Variants in SLC4A2 observed in about 807,000 individuals in gnomAD.
SLC4A2 encodes solute carrier family 4 member 2.
A neutral mutation model predicts 115.0 loss-of-function variants in SLC4A2; 36 were observed. That is an observed-to-expected ratio of 0.31 (90% CI 0.24 to 0.41). The LOEUF is 0.41. Ranked by LOEUF, SLC4A2 falls within the 10% of genes least tolerant of loss-of-function variation. The pLI, the probability that SLC4A2 is intolerant of heterozygous loss-of-function variation, is 1.00. For synonymous variants in SLC4A2, 708 were observed against 708.3 expected (o/e 1.00, Z 0.01); for missense variants, 1,252 against 1,705.6 (o/e 0.73, Z 4.68).
intron 2 of SLC4A2, chr7:151,062,977 C>T (rs896370850): frequency 1.4e-6 from 2 of 1,416,948 alleles, no homozygotes; most frequent in South Asian, 1.5e-5. Flanking sequence ...GCTGCATACC[C>T]CCGCCCTTGG....
rs1272724126 is a variant in SLC4A2 at position 151,076,397 on chromosome 7, T to C, written c.*30T>C. ...CACCGAGGGACAGCCGAGGGACCGA[T>C]GGACGAGGGGACAGGCTGGTGGGAT... On this transcript the variant is annotated 3_prime_UTR_variant, in exon 23 of 23. Coordinates refer to ENST00000413384, the MANE Select transcript of SLC4A2 (RefSeq NM_003040.4). 7 of 1,459,852 alleles carry C rather than the reference T, an allele frequency of 4.8e-6. No individual in the cohort carries two copies. Among genetic ancestry groups the C allele is most frequent in the African/African-American group, 2.9e-5 (2 of 69,804 alleles). 90.4% of individuals were successfully genotyped at this position (1,459,852 alleles called of 1,614,324 possible). A position where few individuals can be genotyped will look rare whatever the true frequency, so the allele number is the denominator to read the frequency against.
Position 151,064,355 on chromosome 7 carries a change from G to A in SLC4A2, c.205G>A (p.Glu69Lys). 7.5e-7 allele frequency: 1 copy of A among 1,333,342 alleles called. No individual in the cohort carries two copies. Among genetic ancestry groups the A allele is most frequent in the Non-Finnish European group, 1.0e-6 (1 of 977,774 alleles). The allele number at this position is 1,333,342 out of a possible 1,614,324, so 82.6% of individuals were successfully genotyped here. ...GGAGCCAGGCCGCAGCTATGGGGAG[G>A]AAGACTTTGAGTGTGAGGGGGCAGG... ...GEEPGRSYGE[E>K]DFEYHRQSSH... The change falls in exon 3 of 23, where the codon GAA becomes AAA. Residue 69 changes from glutamate to lysine, a missense_variant. By Grantham distance (56) the Glu-to-Lys change is moderately conservative. This residue lies in a region of SLC4A2 where 10 missense variants were observed against 39.3 expected (regional missense o/e 0.25). Transcript: ENST00000413384.
In SLC4A2 at chr7:151,064,783, G is replaced by C. The variant is rs769695439; in HGVS notation, c.459+16G>C. 2.4e-5 allele frequency: 39 copies of C among 1,607,216 alleles called. No individual in the cohort carries two copies. Among genetic ancestry groups the C allele is most frequent in the Non-Finnish European group, 3.2e-5 (38 of 1,175,078 alleles). The stretch of plus-strand genomic sequence containing the variant: ...CTCGGTGCAGGTGCGCTGGGTGCGG[G>C]CTCCTAGGGCATGTCGGCAGGGCCC... On this transcript the variant is annotated intron_variant, in intron 4 of 22. Coordinates refer to ENST00000413384, the MANE Select transcript of SLC4A2 (RefSeq NM_003040.4).
chr7:151,070,411 G>C, intron 10 of SLC4A2, 46 bp from the exon 11 acceptor site: 2 of 1,612,020 alleles, frequency 1.2e-6, no homozygotes, highest in Non-Finnish European at 1.7e-6. Context: ...TGTGGACTCA[G>C]AGTGGGAGGG....
In SLC4A2 at chr7:151,070,093, G is replaced by T. The variant is rs1257889617; in HGVS notation, c.1283+11G>T. On this transcript the variant is annotated intron_variant, in intron 9 of 22. Transcript: ENST00000413384. ...GCTGTTGAAACACAGGTGAGGCCCT[G>T]TGGGCCAGTTGGGGATGACACTTCA... 2.5e-6 allele frequency: 4 copies of T among 1,613,960 alleles called. No individual in the cohort carries two copies. Among genetic ancestry groups the T allele is most frequent in the Middle Eastern group, 1.7e-4 (1 of 6,060 alleles).
At chr7:151,075,854 C>G (rs1797611615) in intron 21 of SLC4A2, 79 bp downstream of exon 21, 1 of 1,478,210 alleles carries the variant, frequency 6.8e-7, no homozygotes, top group Non-Finnish European at 9.2e-7. Context: ...CAGCTGCCCC[C>G]TCCCATCTGC....
intron 16 of SLC4A2, among the ~76,000 whole-genome samples, chr7:151,073,601 TA>T (rs1797515567): frequency 6.6e-6 from 1 of 152,208 alleles, no homozygotes; most frequent in African/African-American, 2.4e-5. Flanking sequence ...ACATTATTTT[TA>T]ATTTGGTTTT....
chr7:151,075,709 C>T lies in SLC4A2; in HGVS notation c.3405C>T (p.Phe1135=). ...TCACCTCCCTTAACGGGATCCAGTT[C>T]TATGAGCGGCTGCATCTGCTGCTCA... The part of the protein sequence containing the change: ...MGVTSLNGIQ[F]YERLHLLLMP... Residue 1135 remains phenylalanine (F), a synonymous_variant, in exon 21 of 23, where the codon TTC becomes TTT. Coordinates refer to ENST00000413384, the MANE Select transcript of SLC4A2 (RefSeq NM_003040.4). The T allele has an allele frequency of 1.9e-6, 3 of 1,611,804 alleles. No individual in the cohort carries two copies. Among genetic ancestry groups the T allele is most frequent in the Non-Finnish European group, 2.5e-6 (3 of 1,178,264 alleles).
At chr7:151,063,406 A>G (rs1037767467) in intron 2 of SLC4A2, among the ~76,000 whole-genome samples, 2 of 152,140 alleles carry the variant, frequency 1.3e-5, no homozygotes, top group South Asian at 2.1e-4. Context: ...CCTCAGGCCA[A>G]CTGGAGTTTC....
upstream of SLC4A2, chr7:151,059,536 T>TCCCGCCTCCCCA (rs1314486751): frequency 1.3e-5 from 2 of 149,896 alleles, no homozygotes; most frequent in Non-Finnish European, 3.0e-5. This position sits in a 1 kb window ranked among gnomAD's most constrained non-coding sequence, Gnocchi z 5.8. Flanking sequence ...CGGCCCCCGC[T>TCCCGCCTCCCCA]CCCGCCTCCC....
At chr7:151,065,078 C>A in intron 5 of SLC4A2, 112 bp downstream of exon 5, 1 of 794,924 alleles carries the variant, frequency 1.3e-6, no homozygotes, top group Non-Finnish European at 2.2e-6. Context: ...GGGTTCAAAT[C>A]CCAGGCCCGC....
At chr7:151,065,106 G>A in intron 5 of SLC4A2, 140 bp downstream of exon 5, 2 of 677,378 alleles carry the variant, frequency 3.0e-6, no homozygotes, top group East Asian at 2.6e-5. Flanking sequence ...GGCTGGGCAA[G>A]TAACTTAATT....
upstream of SLC4A2, chr7:151,059,163 G>C (rs1024159765): frequency 6.6e-6 from 1 of 152,160 alleles, no homozygotes; most frequent in African/African-American, 2.4e-5. The surrounding 1 kb of genome is among the most constrained non-coding windows in gnomAD (Gnocchi z 5.8). Flanking sequence ...CCTCTAACAA[G>C]TTACCCTCTC....
chr7:151,066,936 G>A lies in SLC4A2; in HGVS notation c.909G>A (p.Gly303=). 6.2e-7 allele frequency: 1 copy of A among 1,613,438 alleles called. No individual in the cohort carries two copies. Among genetic ancestry groups the A allele is most frequent in the Non-Finnish European group, 8.5e-7 (1 of 1,179,802 alleles). ...AKGSTQSGRE[G]REPGPTPRAR... is the part of the protein sequence containing the mutation. ...GTTCCACACAGAGTGGCCGAGAAGG[G>A]CGGGAGCCTGGCCCCACACCTCGGG... The change falls in exon 7 of 23, where the codon GGG becomes GGA. Residue 303 remains glycine (G), a synonymous_variant. Coordinates refer to ENST00000413384, the MANE Select transcript of SLC4A2 (RefSeq NM_003040.4).
upstream of SLC4A2, chr7:151,059,429 C>G (rs1231223292): frequency 1.3e-5 from 2 of 152,096 alleles, no homozygotes. The surrounding 1 kb of genome is among the most constrained non-coding windows in gnomAD (Gnocchi z 5.8). Context: ...GGACGGCATC[C>G]TCGGGGCTCC....
chr7:151,060,274 T>G lies in SLC4A2; in HGVS notation c.-64+512T>G, dbSNP rs1248961207. ...AATGGGAAAGATGAGCCCGGAGAGTTGGACCTGACTCCCGGGGTCGGTTTG... is the reference window on the plus strand; with the variant it reads ...AATGGGAAAGATGAGCCCGGAGAGTGGGACCTGACTCCCGGGGTCGGTTTG... On this transcript the variant is annotated intron_variant, in intron 1 of 22. Coordinates refer to ENST00000413384, the MANE Select transcript of SLC4A2 (RefSeq NM_003040.4). This position sits in a 1 kb window ranked among gnomAD's most constrained non-coding sequence, Gnocchi z 5.9. The G allele has an allele frequency of 6.6e-6, 1 of 152,374 alleles. No homozygotes were observed. The highest frequency in any genetic ancestry group is 1.9e-4 in the East Asian group (1 of 5,192). The allele number at this position is 152,374 out of a possible 1,614,324, so 9.4% of individuals were successfully genotyped here.
intron 2 of SLC4A2, among the ~76,000 whole-genome samples, 161 bp downstream of exon 2, chr7:151,062,199 G>C (rs561045254): frequency 1.3e-5 from 2 of 152,276 alleles, no homozygotes; most frequent in South Asian, 2.1e-4. Flanking sequence ...TGGTCGTAGG[G>C]GGGGATGGGT....
chr7:151,075,425 A>G lies in SLC4A2; in HGVS notation c.3218A>G (p.Lys1073Arg), dbSNP rs544077677. 28 of 1,606,984 alleles carry G rather than the reference A, an allele frequency of 1.7e-5. No homozygotes were observed. The South Asian group carries it at 3.1e-4, about 18-fold the overall frequency. The change falls in exon 20 of 23, where the codon AAG becomes AGG. Residue 1073 changes from lysine to arginine, a missense_variant. Physicochemically the swap from Lys to Arg is conservative, Grantham distance 26. Coordinates refer to ENST00000413384, the MANE Select transcript of SLC4A2 (RefSeq NM_003040.4). ...GCCAACGCGCTCACTGTCATGAGCA[A>G]GGCTGTGGCACCTGGGGACAAGCCC... ...THANALTVMS[K>R]AVAPGDKPKI...
At chr7:151,074,363 G>A in intron 17 of SLC4A2, 36 bp from the exon 18 acceptor site, 1 of 1,612,318 alleles carries the variant, frequency 6.2e-7, no homozygotes. Flanking sequence ...AGCGGCTGTG[G>A]TGGCAGGACT....
Sources: gnomAD v4.1 joint callset for allele counts (sites outside exome capture counted in the v4.1 genomes callset) on GRCh38, gnomAD v4.1.1 for gene constraint, gnomAD v4.1.1 regional missense constraint, Gnocchi (gnomAD v3.1) non-coding constraint, MANE v1.5 for transcripts, NCBI Gene and HGNC (gene_info 2026-07-23, HGNC 2026-07-21) for gene names.